The following PTPRA variants were observed in gnomAD, a reference collection of about 807,000 sequenced individuals.
PTPRA encodes the protein receptor-type tyrosine-protein phosphatase alpha.
Under a neutral mutation model 104.8 loss-of-function variants are expected in PTPRA, and 25 were observed. The observed-to-expected ratio is 0.24, with a 90% CI of 0.17 to 0.33. PTPRA has a LOEUF of 0.33. PTPRA is among the 10% of genes least tolerant of loss of function. PTPRA has a pLI of 1.00. For synonymous variants in PTPRA, 323 were observed against 368.9 expected, an observed-to-expected ratio of 0.88 and a Z score of 1.43; for missense variants, 765 against 1,015.3, an observed-to-expected ratio of 0.75 and a Z score of 3.35.
At chr20:2,930,150 A>T (rs1320497929) in intron 2 of PTPRA, among the ~76,000 whole-genome samples, 1 of 152,212 alleles carries the variant, frequency 6.6e-6, no homozygotes, top group East Asian at 1.9e-4. Flanking sequence ...GAATATAGAC[A>T]TTTAAGAAGG....
At chr20:2,890,864 C>T (rs1337994161) in intron 1 of PTPRA, among the ~76,000 whole-genome samples, 4 of 152,152 alleles carry the variant, frequency 2.6e-5, no homozygotes, top group Admixed American at 1.3e-4. Context: ...TGATTCTACA[C>T]GTTCTTCCTG....
chr20:2,974,287 G>GC (rs999904484), intron 5 of PTPRA, among the ~76,000 whole-genome samples: 2 of 151,664 alleles, frequency 1.3e-5, no homozygotes, highest in Non-Finnish European at 2.9e-5. Flanking sequence ...ATCTCACTCT[G>GC]CCCCCCTTCT....
At chr20:2,920,308 GA>G (rs2060053898) in intron 1 of PTPRA, among the ~76,000 whole-genome samples, 1 of 152,202 alleles carries the variant, frequency 6.6e-6, no homozygotes. Context: ...AGGAAAGGAG[GA>G]GATCAAGAAG....
At chr20:2,996,389 T>C (rs1381560631) in intron 9 of PTPRA, among the ~76,000 whole-genome samples, 1 of 152,094 alleles carries the variant, frequency 6.6e-6, no homozygotes, top group Non-Finnish European at 1.5e-5. Flanking sequence ...AGAGGAGAAA[T>C]AACACATAGG....
chr20:2,901,230 A>G (rs1600085221), intron 1 of PTPRA, among the ~76,000 whole-genome samples: 1 of 152,012 alleles, frequency 6.6e-6, no homozygotes, highest in Non-Finnish European at 1.5e-5. Context: ...CGGCCTCCCA[A>G]ATTGCTGGGA....
chr20:2,865,385 C>T, the PTPRA span: 14 of 1,613,938 alleles, frequency 8.7e-6, no homozygotes, highest in African/African-American at 4.0e-5. This position sits in a 1 kb window ranked among gnomAD's most constrained non-coding sequence, Gnocchi z 5.2. Context: ...CCTCCAAGCC[C>T]AGCTTTCCTG....
intron 3 of PTPRA, among the ~76,000 whole-genome samples, chr20:2,957,651 G>T (rs902774836): frequency 2.0e-5 from 3 of 152,186 alleles, no homozygotes; most frequent in Admixed American, 6.5e-5. Flanking sequence ...AAAAATGCAG[G>T]GTTCCTAAAG....
At chr20:2,969,822 T>G (rs1448184078) in intron 5 of PTPRA, among the ~76,000 whole-genome samples, 1 of 151,610 alleles carries the variant, frequency 6.6e-6, no homozygotes. Context: ...AAAAAAAAAT[T>G]AGCTGGGCGT....
At chr20:2,864,906 G>A in the PTPRA span, 1 of 1,597,942 alleles carries the variant, frequency 6.3e-7, no homozygotes, top group Non-Finnish European at 8.6e-7. The surrounding 1 kb of genome is among the most constrained non-coding windows in gnomAD (Gnocchi z 5.2). Context: ...TGGGGGAGAA[G>A]ACTGTAGCCT....
At chr20:3,012,239 A>G (rs568709809) in intron 11 of PTPRA, among the ~76,000 whole-genome samples, 2 of 152,336 alleles carry the variant, frequency 1.3e-5, no homozygotes, top group South Asian at 4.1e-4. Flanking sequence ...ACATTTACAT[A>G]TTGATCACTG....
intron 9 of PTPRA, among the ~76,000 whole-genome samples, chr20:3,000,054 G>A (rs2063561737): frequency 6.6e-6 from 1 of 152,150 alleles, no homozygotes; most frequent in Non-Finnish European, 1.5e-5. Context: ...GGGAGGCTGA[G>A]GTAGGCGGAT....
intron 6 of PTPRA, among the ~76,000 whole-genome samples, chr20:2,980,452 G>A (rs1381357912): frequency 1.3e-5 from 2 of 151,874 alleles, no homozygotes; most frequent in Admixed American, 6.6e-5. Flanking sequence ...TACTAGGGAG[G>A]CTAAGGTGTG....
chr20:3,007,489 A>G, intron 11 of PTPRA, 69 bp downstream of exon 11: 1 of 1,474,378 alleles, frequency 6.8e-7, no homozygotes, highest in Non-Finnish European at 9.5e-7. Flanking sequence ...GCTCCTCCCC[A>G]GCTGTGTGTT....
At chr20:2,992,517 C>CA (rs1414583216) in intron 9 of PTPRA, among the ~76,000 whole-genome samples, 2 of 151,858 alleles carry the variant, frequency 1.3e-5, no homozygotes, top group Non-Finnish European at 2.9e-5. Context: ...AACTCCATCT[C>CA]AAAAAAACAA....
At chr20:2,900,387 C>G (rs537516552) in intron 1 of PTPRA, among the ~76,000 whole-genome samples, 1 of 152,242 alleles carries the variant, frequency 6.6e-6, no homozygotes, top group East Asian at 1.9e-4. Context: ...TGCCCCCAGC[C>G]CCACTGAATG....
Position 3,022,561 on chromosome 20 carries a change from C to G in PTPRA, c.1329-128C>G. 7.5e-7 allele frequency: 1 copy of G among 1,330,130 alleles called. No homozygotes were observed. Among genetic ancestry groups the G allele is most frequent in the Non-Finnish European group, 1.0e-6 (1 of 972,950 alleles). 82.4% of individuals were successfully genotyped at this position (1,330,130 alleles called of 1,614,324 possible). On this transcript the variant is annotated intron_variant, in intron 15 of 23. Transcript: ENST00000399903. The surrounding 1 kb of genome is among the most constrained non-coding windows in gnomAD (Gnocchi z 4.6). ...TGGAGTTGTTGGCTCCTGGAGAGCC[C>G]CAGCTCTACCCCATTCAGAATTAGG...
rs2064860559 is a variant in PTPRA, at chr20:3,021,394, TG to T, written c.1129del (p.Asp377ThrfsTer15). On this transcript the variant is annotated frameshift_variant, in exon 14 of 24. Coordinates refer to ENST00000399903, the MANE Select transcript of PTPRA (RefSeq NM_001385305.1). LOFTEE classifies it high-confidence loss of function. ...TCTGTAGAGGATGTGACTGTCCTGG[TG>T]GACTACACAGTACGGAAGTTCTGCA... is the stretch of plus-strand genomic sequence containing the variant. Reference protein sequence around the residue: ...RVSVEDVTVLVDYTVRKFCIQ... With the variant: ...RVSVEDVTVLXDYTVRKFCIQ... The T allele has an allele frequency of 6.2e-7, 1 of 1,614,000 alleles. No homozygotes were observed. Among genetic ancestry groups the T allele is most frequent in the African/African-American group, 1.3e-5 (1 of 74,920 alleles).
At chr20:2,916,774 A>G (rs6138948) in intron 1 of PTPRA, among the ~76,000 whole-genome samples, 57,033 of 151,956 alleles carry the variant, frequency 0.38, 12,182 homozygotes, top group East Asian at 0.64. Flanking sequence ...ATTTAAAACT[A>G]TTCCATTGAT....
At chr20:2,957,011 C>T (rs1252601979) in intron 3 of PTPRA, among the ~76,000 whole-genome samples, 1 of 152,142 alleles carries the variant, frequency 6.6e-6, no homozygotes, top group African/African-American at 2.4e-5. Context: ...CTCAGCCAGG[C>T]GCAGTGGCTC....
Sources: gnomAD v4.1 joint callset for allele counts (sites outside exome capture counted in the v4.1 genomes callset) on GRCh38, gnomAD v4.1.1 for gene constraint, Gnocchi (gnomAD v3.1) non-coding constraint, MANE v1.5 for transcripts, NCBI Gene and HGNC (gene_info 2026-07-23, HGNC 2026-07-21) for gene names.